DPP10: variants seen among roughly 807,000 people sequenced by gnomAD.
The protein encoded by DPP10 is dipeptidyl peptidase like 10, also known as inactive dipeptidyl peptidase 10.
In DPP10, 33 loss-of-function variants were observed where a neutral mutation model predicts 120.9. The ratio of observed to expected loss-of-function variants is 0.27; its 90% CI spans 0.21 to 0.37. The LOEUF (loss-of-function observed/expected upper bound fraction) is 0.37, where lower values mean the gene tolerates loss of function less well. DPP10 is among the 10% of genes least tolerant of loss of function. The pLI is 1.00. For missense variants in DPP10, 816 were observed against 942.8 expected (o/e 0.87, Z 1.76); for synonymous variants, 337 against 326.1 (o/e 1.03, Z -0.36).
chr2:115,059,203 G>A (rs1436855510), intron 1 of DPP10, among the ~76,000 whole-genome samples: 1 of 146,934 alleles, frequency 6.8e-6, no homozygotes, highest in Admixed American at 7.1e-5. Flanking sequence ...GAAGAGGGAG[G>A]AACAGAAGGA....
intron 2 of DPP10, among the ~76,000 whole-genome samples, chr2:115,311,909 T>C (rs1295475700): frequency 3.9e-5 from 6 of 151,946 alleles, no homozygotes; most frequent in Non-Finnish European, 8.8e-5. Context: ...GGGACCACCA[T>C]GCCTGGTTAT....
At chr2:114,487,050 G>A (rs989896566) in intron 1 of DPP10, among the ~76,000 whole-genome samples, 3 of 152,182 alleles carry the variant, frequency 2.0e-5, no homozygotes, top group Admixed American at 6.5e-5. Flanking sequence ...GTCGATTTTT[G>A]AAAGCAAAGT....
intron 1 of DPP10, among the ~76,000 whole-genome samples, chr2:114,996,872 C>G (rs1701119108): frequency 6.6e-6 from 1 of 151,034 alleles, no homozygotes; most frequent in African/African-American, 2.4e-5. Context: ...CTCCCAGCTA[C>G]TCGGGAGTCT....
chr2:115,379,512 T>G (rs1247290505), intron 3 of DPP10, among the ~76,000 whole-genome samples: 1 of 152,164 alleles, frequency 6.6e-6, no homozygotes, highest in Non-Finnish European at 1.5e-5. Context: ...AGCTCCTGGA[T>G]TCATTGATTT....
chr2:115,286,490 TA>T (rs2060382373), intron 1 of DPP10, among the ~76,000 whole-genome samples: 5 of 38,530 alleles, frequency 1.3e-4, no homozygotes, highest in East Asian at 1.2e-3. Flanking sequence ...AATATATATA[TA>T]ATATATATAT....
In DPP10 at chr2:115,228,766, T is replaced by C. The variant is rs185652538; in HGVS notation, c.61-80473T>C. Among the ~76,000 whole-genome samples the C allele has an allele frequency of 2.5e-4, 38 of 152,306 alleles. No individual in the cohort carries two copies. The East Asian group carries it at 5.8e-3, about 23-fold the overall frequency. ...GTGTATAAGTACAACAATTTCTTCATCCACTCATCTGTTGATGGACACTTA... is the reference window on the plus strand; with the variant it reads ...GTGTATAAGTACAACAATTTCTTCACCCACTCATCTGTTGATGGACACTTA... On this transcript the variant is annotated intron_variant, in intron 1 of 25. Coordinates refer to ENST00000410059, the MANE Select transcript of DPP10 (RefSeq NM_020868.6).
At chr2:114,683,757 G>A (rs534805527) in intron 1 of DPP10, among the ~76,000 whole-genome samples, 120 of 151,682 alleles carry the variant, frequency 7.9e-4, no homozygotes, top group Non-Finnish European at 1.4e-3. Context: ...CTCCCCTCCC[G>A]TCTTGGATTT....
intron 3 of DPP10, among the ~76,000 whole-genome samples, chr2:115,370,318 A>G (rs2065325530): frequency 6.6e-6 from 1 of 152,116 alleles, no homozygotes; most frequent in Admixed American, 6.6e-5. Flanking sequence ...ATGATTTTAG[A>G]AAATGTCAGG....
intron 1 of DPP10, among the ~76,000 whole-genome samples, chr2:114,666,672 C>T (rs1020206019): frequency 1.3e-5 from 2 of 152,096 alleles, no homozygotes; most frequent in African/African-American, 4.8e-5. Flanking sequence ...GGTTGAGGCA[C>T]CTTAGAGGTT....
chr2:115,518,436 A>T lies in DPP10; in HGVS notation c.367-7462A>T, dbSNP rs193207635. Reference sequence around the variant, plus strand: ...GAACCATCAGCTGTCAAGAAGATTTAGTCTTTGAAGCACTACTATTTTTCT... The same window carrying T: ...GAACCATCAGCTGTCAAGAAGATTTTGTCTTTGAAGCACTACTATTTTTCT... On this transcript the variant is annotated intron_variant, in intron 4 of 25. Transcript: ENST00000410059. 1.1e-4 allele frequency among the ~76,000 whole-genome samples: 17 copies of T among 152,248 alleles called. No homozygotes were observed. The East Asian group carries it at 3.3e-3, about 29-fold the overall frequency.
At chr2:115,313,538 A>C (rs1236010929) in intron 2 of DPP10, among the ~76,000 whole-genome samples, 2 of 152,230 alleles carry the variant, frequency 1.3e-5, no homozygotes, top group Admixed American at 6.5e-5. Flanking sequence ...AGATGAAAGC[A>C]TACAAAAAGT....
chr2:115,426,102 T>C (rs555241757), intron 3 of DPP10, among the ~76,000 whole-genome samples: 2 of 115,414 alleles, frequency 1.7e-5, no homozygotes, highest in Non-Finnish European at 3.6e-5. Context: ...ACGCTGGAGA[T>C]GACATTTCAA....
chr2:115,692,059 T>C (rs1161522135), intron 7 of DPP10, among the ~76,000 whole-genome samples: 3 of 152,118 alleles, frequency 2.0e-5, no homozygotes, highest in Non-Finnish European at 4.4e-5. Context: ...ATTTTTCTTT[T>C]CCATTTCAAT....
intron 1 of DPP10, among the ~76,000 whole-genome samples, chr2:115,178,284 G>A (rs567225752): frequency 3.3e-5 from 5 of 152,226 alleles, no homozygotes; most frequent in South Asian, 4.2e-4. Context: ...ACTGTCTACC[G>A]GAGTAGACAA....
At chr2:115,140,318 G>A (rs775075522) in intron 1 of DPP10, among the ~76,000 whole-genome samples, 16 of 152,146 alleles carry the variant, frequency 1.1e-4, no homozygotes, top group African/African-American at 2.9e-4. Flanking sequence ...GGAACAGCTC[G>A]GAGAGTTTCT....
At chr2:115,802,409 G>A (rs900708451) in intron 19 of DPP10, among the ~76,000 whole-genome samples, 1 of 152,028 alleles carries the variant, frequency 6.6e-6, no homozygotes, top group Non-Finnish European at 1.5e-5. Context: ...TTTTTGAAGG[G>A]TTTTTTGTGT....
intron 17 of DPP10, among the ~76,000 whole-genome samples, chr2:115,790,673 A>C (rs979805576): frequency 1.3e-5 from 2 of 152,156 alleles, no homozygotes; most frequent in Non-Finnish European, 2.9e-5. Context: ...TAACATGCTC[A>C]TGCTTTTTCT....
chr2:115,697,552 T>C (rs1268786717), intron 7 of DPP10, among the ~76,000 whole-genome samples: 8 of 151,300 alleles, frequency 5.3e-5, no homozygotes, highest in Admixed American at 3.3e-4. Flanking sequence ...TCAAAATATA[T>C]AAAGCTAAAA....
rs557567135 is a variant in DPP10, at chr2:115,721,682, G to A, written c.577-6134G>A. Among the ~76,000 whole-genome samples the A allele has an allele frequency of 7.6e-4, 116 of 152,146 alleles. 1 individual carries two copies. The highest frequency in any genetic ancestry group is 1.4e-3 in the Non-Finnish European group (95 of 68,000). On this transcript the variant is annotated intron_variant, in intron 7 of 25. Transcript: ENST00000410059. ...ATACAAAATAATCCAGGTACTATAC[G>A]AAGACAGCATGAAAGTTCCTCAGTA...
Sources: allele counts gnomAD v4.1 joint callset (sites outside exome capture counted in the v4.1 genomes callset), GRCh38; gene constraint gnomAD v4.1.1; transcripts MANE v1.5; gene names NCBI Gene and HGNC (gene_info 2026-07-23, HGNC 2026-07-21).